ROBO1: variants seen among roughly 807,000 people sequenced by gnomAD.
The protein encoded by ROBO1 is roundabout homolog 1.
A neutral mutation model predicts 195.9 loss-of-function variants in ROBO1; 149 were observed. The ratio of observed to expected loss-of-function variants is 0.76; its 90% CI spans 0.67 to 0.87. The LOEUF (loss-of-function observed/expected upper bound fraction) is 0.87. ROBO1 is among the 40% of genes least tolerant of loss of function. The probability of loss-of-function intolerance (pLI) is 0.00; values close to 1 mark genes in which losing one functional copy is unlikely to be tolerated. For missense variants in ROBO1, 1,933 were observed against 2,068.3 expected (o/e 0.93, Z 1.27); for synonymous variants, 816 against 733.2 (o/e 1.11, Z -1.82).
At chr3:79,592,317 G>A (rs1944021498) in intron 1 of ROBO1, among the ~76,000 whole-genome samples, 1 of 151,836 alleles carries the variant, frequency 6.6e-6, no homozygotes, top group Admixed American at 6.6e-5. Context: ...TCAACAGGCA[G>A]ATATTATTTC....
At chr3:79,168,370 TA>T (rs1226365675) in intron 2 of ROBO1, among the ~76,000 whole-genome samples, 1 of 152,102 alleles carries the variant, frequency 6.6e-6, no homozygotes, top group Non-Finnish European at 1.5e-5. Flanking sequence ...TTTTTCTTTT[TA>T]AAAAAATCAG....
At chr3:79,148,517 C>T (rs2080700015) in intron 2 of ROBO1, among the ~76,000 whole-genome samples, 1 of 151,608 alleles carries the variant, frequency 6.6e-6, no homozygotes, top group Admixed American at 6.6e-5. Flanking sequence ...AATAGCATGA[C>T]ATGGGAAGAA....
chr3:79,482,648 T>C (rs1227487044), intron 2 of ROBO1, among the ~76,000 whole-genome samples: 2 of 152,006 alleles, frequency 1.3e-5, no homozygotes, highest in East Asian at 3.8e-4. Context: ...TGCATATAAA[T>C]AATAATAAGG....
intron 1 of ROBO1, among the ~76,000 whole-genome samples, chr3:79,622,436 C>G (rs1197204043): frequency 6.6e-6 from 1 of 152,192 alleles, no homozygotes; most frequent in Non-Finnish European, 1.5e-5. Flanking sequence ...CACTGAGCTC[C>G]CTGGTCAGGG....
intron 4 of ROBO1, among the ~76,000 whole-genome samples, chr3:78,813,254 AC>A (rs2084798542): frequency 3.7e-5 from 3 of 81,080 alleles, no homozygotes; most frequent in Admixed American, 1.9e-4. Flanking sequence ...ACACACACAC[AC>A]ACACACACCA....
At chr3:79,332,971 G>A (rs1237169582) in intron 2 of ROBO1, among the ~76,000 whole-genome samples, 5 of 152,130 alleles carry the variant, frequency 3.3e-5, no homozygotes, top group Non-Finnish European at 1.5e-5. Context: ...GGAGTCTGAG[G>A]TGAGTGGATC....
chr3:79,400,682 T>A (rs964586101), intron 2 of ROBO1, among the ~76,000 whole-genome samples: 1 of 152,034 alleles, frequency 6.6e-6, no homozygotes, highest in Non-Finnish European at 1.5e-5. Context: ...TTCTAAATAA[T>A]GCATGTCCTA....
chr3:79,240,317 T>C (rs1346900443), intron 2 of ROBO1, among the ~76,000 whole-genome samples: 1 of 152,172 alleles, frequency 6.6e-6, no homozygotes, highest in Non-Finnish European at 1.5e-5. Flanking sequence ...TCCTTCTTTT[T>C]AAAAATTGAA....
At chr3:79,368,415 A>T (rs1375767153) in intron 2 of ROBO1, among the ~76,000 whole-genome samples, 1 of 152,128 alleles carries the variant, frequency 6.6e-6, no homozygotes, top group Non-Finnish European at 1.5e-5. Context: ...CCATCTGCGC[A>T]TTAAAAGAGA....
chr3:78,610,644 C>A (rs1283582280), intron 28 of ROBO1, among the ~76,000 whole-genome samples: 1 of 152,014 alleles, frequency 6.6e-6, no homozygotes, highest in African/African-American at 2.4e-5. Context: ...TAACATCATA[C>A]AAAGGCTTGG....
chr3:79,052,443 G>A (rs781688939), intron 3 of ROBO1, among the ~76,000 whole-genome samples: 39 of 151,994 alleles, frequency 2.6e-4, no homozygotes, highest in Non-Finnish European at 4.3e-4. Flanking sequence ...GTTTCAGTCT[G>A]GCCATGTGAT....
chr3:78,816,966 C>CT (rs1419380822), intron 4 of ROBO1, among the ~76,000 whole-genome samples: 2 of 142,688 alleles, frequency 1.4e-5, no homozygotes, highest in African/African-American at 5.1e-5. Flanking sequence ...CACATGTACC[C>CT]TAGAGCTTAA....
chr3:78,748,220 C>T (rs768111157), intron 4 of ROBO1, among the ~76,000 whole-genome samples: 20 of 152,054 alleles, frequency 1.3e-4, no homozygotes, highest in Non-Finnish European at 2.6e-4. Flanking sequence ...CCAAGGAGGG[C>T]GGATTACCTG....
chr3:79,695,217 AC>A (rs1391856416), intron 1 of ROBO1, among the ~76,000 whole-genome samples: 2 of 151,612 alleles, frequency 1.3e-5, no homozygotes, highest in Non-Finnish European at 3.0e-5. Flanking sequence ...AAAAATAAAA[AC>A]TAACAATAAG....
chr3:78,787,895 T>C (rs2108510559), intron 4 of ROBO1, among the ~76,000 whole-genome samples: 1 of 149,628 alleles, frequency 6.7e-6, no homozygotes, highest in East Asian at 2.0e-4. Context: ...ACCATTGCAT[T>C]TGAGCCTGGC....
chr3:79,013,277 T>C (rs2077833062), intron 3 of ROBO1, among the ~76,000 whole-genome samples: 1 of 152,160 alleles, frequency 6.6e-6, no homozygotes, highest in African/African-American at 2.4e-5. Context: ...ATGCCATTCA[T>C]TTTCCAAAAT....
chr3:79,581,407 T>C (rs1319771962), intron 2 of ROBO1, among the ~76,000 whole-genome samples: 4 of 152,164 alleles, frequency 2.6e-5, no homozygotes, highest in Non-Finnish European at 1.5e-5. Context: ...AGTAGAATAA[T>C]CCTGGTCTCT....
In ROBO1 at chr3:78,597,965, A is replaced by AAAG. The variant is rs1361299789; in HGVS notation, c.*945_*947dup. The AAAG allele has an allele frequency of 6.6e-6, 1 of 152,098 alleles. No individual in the cohort carries two copies. Among genetic ancestry groups the AAAG allele is most frequent in the African/African-American group, 2.4e-5 (1 of 41,324 alleles). 9.4% of individuals were successfully genotyped at this position (152,098 alleles called of 1,614,324 possible). On this transcript the variant is annotated 3_prime_UTR_variant, in exon 31 of 31. Transcript: ENST00000464233. ...CTTTTAAAACCAAAAAAAAAAAAAAAAAGAGAGAGAGATTAAAAACAGTGC... is the reference window on the plus strand; with the variant it reads ...CTTTTAAAACCAAAAAAAAAAAAAAAAAGAAGAGAGAGAGATTAAAAACAGTGC...
At chr3:78,850,972 A>AT (rs1163371765) in intron 4 of ROBO1, among the ~76,000 whole-genome samples, 1 of 151,726 alleles carries the variant, frequency 6.6e-6, no homozygotes, top group African/African-American at 2.4e-5. Context: ...AAGCCTGGCT[A>AT]TTTTTTGCAT....
Sources: allele counts gnomAD v4.1 joint callset (sites outside exome capture counted in the v4.1 genomes callset), GRCh38; gene constraint gnomAD v4.1.1; transcripts MANE v1.5; gene names NCBI Gene and HGNC (gene_info 2026-07-23, HGNC 2026-07-21).